FSTL5: variants seen among roughly 807,000 people sequenced by gnomAD.
The protein encoded by FSTL5 is follistatin-related protein 5.
FSTL5 carries 62 observed loss-of-function variants against 89.1 expected under a neutral mutation model. The observed-to-expected ratio is 0.70, with a 90% CI of 0.57 to 0.86. The LOEUF (loss-of-function observed/expected upper bound fraction) is 0.86. Ranked by LOEUF, FSTL5 falls within the 40% of genes least tolerant of loss-of-function variation. FSTL5 has a pLI of 0.00. For missense variants in FSTL5, 1,057 were observed against 1,001.6 expected (o/e 1.06, Z -0.75); for synonymous variants, 383 against 346.2 (o/e 1.11, Z -1.18).
At chr4:162,151,215 T>A (rs1733211476) in intron 1 of FSTL5, among the ~76,000 whole-genome samples, 1 of 152,172 alleles carries the variant, frequency 6.6e-6, no homozygotes, top group Admixed American at 6.5e-5. Flanking sequence ...TTGGAAAAAG[T>A]TTTTAAATTA....
chr4:161,722,398 AT>A (rs1333944393), intron 6 of FSTL5, among the ~76,000 whole-genome samples: 1 of 152,180 alleles, frequency 6.6e-6, no homozygotes, highest in African/African-American at 2.4e-5. Context: ...GAATGATTAT[AT>A]CCAGGTTCTC....
At chr4:162,090,103 T>A (rs2111354836) in intron 2 of FSTL5, among the ~76,000 whole-genome samples, 1 of 152,216 alleles carries the variant, frequency 6.6e-6, no homozygotes, top group African/African-American at 2.4e-5. Flanking sequence ...CAAGATGGAT[T>A]AAATACTTAA....
chr4:161,777,939 A>T (rs973587388), intron 4 of FSTL5, among the ~76,000 whole-genome samples: 5 of 152,056 alleles, frequency 3.3e-5, no homozygotes, highest in Admixed American at 6.5e-5. Context: ...ACTAAAAATA[A>T]AAAAATTGGC....
chr4:161,772,949 T>C (rs186521683), intron 5 of FSTL5, among the ~76,000 whole-genome samples: 1 of 152,180 alleles, frequency 6.6e-6, no homozygotes, highest in African/African-American at 2.4e-5. Flanking sequence ...CATACTATAC[T>C]ATAAGGCCAT....
intron 4 of FSTL5, among the ~76,000 whole-genome samples, chr4:161,884,314 T>G (rs541363491): frequency 3.9e-5 from 6 of 152,258 alleles, no homozygotes; most frequent in African/African-American, 1.4e-4. Flanking sequence ...GTGTTTCCCA[T>G]TTAAATTAAA....
At chr4:162,053,561 A>G (rs1738449238) in intron 2 of FSTL5, among the ~76,000 whole-genome samples, 1 of 151,758 alleles carries the variant, frequency 6.6e-6, no homozygotes, top group Non-Finnish European at 1.5e-5. Context: ...TGCTCCCCCA[A>G]ATTTCAAACA....
At chr4:161,893,243 TG>T (rs1733044629) in intron 4 of FSTL5, among the ~76,000 whole-genome samples, 1 of 152,152 alleles carries the variant, frequency 6.6e-6, no homozygotes. Context: ...TCCATTTGGA[TG>T]GCAAGGACCT....
At chr4:161,822,876 T>A (rs1475372868) in intron 4 of FSTL5, among the ~76,000 whole-genome samples, 1 of 152,136 alleles carries the variant, frequency 6.6e-6, no homozygotes, top group Admixed American at 6.5e-5. Flanking sequence ...CCCAAGGTGG[T>A]TAGCTCCTTT....
In FSTL5 at chr4:162,112,513, T is replaced by C. The variant is rs1032716182; in HGVS notation, c.-16-1101A>G. Among the ~76,000 whole-genome samples the C allele has an allele frequency of 3.3e-5, 5 of 152,156 alleles. No homozygotes were observed. In the South Asian group the frequency reaches 6.2e-4, roughly 19 times the overall value. On this transcript the variant is annotated intron_variant, in intron 1 of 15. Coordinates refer to ENST00000306100, the MANE Select transcript of FSTL5 (RefSeq NM_020116.5). ...CTCCTGCCGTGGCCTCCCAAAGCAC[T>C]GGGGTGACAGGCATGAGCCACTGAG...
At chr4:161,495,583 T>G (rs1730039004) in intron 12 of FSTL5, 1 of 152,106 alleles carries the variant, frequency 6.6e-6, no homozygotes, top group African/African-American at 2.4e-5. Flanking sequence ...CCTCACCAAC[T>G]CACTATCAAA....
At chr4:161,760,419 T>C (rs1434531266) in intron 5 of FSTL5, among the ~76,000 whole-genome samples, 4 of 152,136 alleles carry the variant, frequency 2.6e-5, no homozygotes, top group African/African-American at 9.7e-5. Flanking sequence ...TTGTTTGTTT[T>C]AAAAGTGGTG....
chr4:161,493,643 A>T (rs1161693072), intron 12 of FSTL5, among the ~76,000 whole-genome samples: 1 of 152,042 alleles, frequency 6.6e-6, no homozygotes, highest in Non-Finnish European at 1.5e-5. Context: ...ATTTTTTTCC[A>T]TCAAAATCTT....
chr4:161,876,859 T>C (rs1579161782), intron 4 of FSTL5, among the ~76,000 whole-genome samples: 1 of 152,154 alleles, frequency 6.6e-6, no homozygotes, highest in Admixed American at 6.5e-5. Context: ...ACAAGAATCA[T>C]ATGTAATATT....
intron 1 of FSTL5, among the ~76,000 whole-genome samples, chr4:162,135,883 T>A (rs1732501673): frequency 2.6e-5 from 4 of 152,146 alleles, no homozygotes. Context: ...TTCAAAAATC[T>A]CTTTCATTTT....
chr4:161,492,618 C>T (rs1419891639), intron 12 of FSTL5, among the ~76,000 whole-genome samples: 1 of 152,022 alleles, frequency 6.6e-6, no homozygotes, highest in Non-Finnish European at 1.5e-5. Context: ...ATTGACTCTG[C>T]CACTAATTTG....
intron 12 of FSTL5, among the ~76,000 whole-genome samples, chr4:161,488,835 G>A (rs1729769372): frequency 6.6e-6 from 1 of 152,032 alleles, no homozygotes; most frequent in South Asian, 2.1e-4. Context: ...GAAGTTTGCT[G>A]TGCATGTTCA....
At chr4:161,555,089 T>C (rs1732344197) in intron 8 of FSTL5, among the ~76,000 whole-genome samples, 1 of 151,614 alleles carries the variant, frequency 6.6e-6, no homozygotes, top group African/African-American at 2.4e-5. Context: ...CAACAAATGT[T>C]GGAGGCAAAA....
chr4:161,982,038 TG>T (rs1441519623), intron 3 of FSTL5, among the ~76,000 whole-genome samples: 1 of 152,228 alleles, frequency 6.6e-6, no homozygotes, highest in East Asian at 1.9e-4. Context: ...CCTTGATTCA[TG>T]AAATCTTAGA....
chr4:161,516,492 T>C (rs1730835136), intron 10 of FSTL5, among the ~76,000 whole-genome samples: 1 of 145,012 alleles, frequency 6.9e-6, no homozygotes, highest in African/African-American at 2.6e-5. Context: ...AGTGAATTTA[T>C]ATGTAATTTA....
Sources: gnomAD v4.1 joint callset for allele counts (sites outside exome capture counted in the v4.1 genomes callset) on GRCh38, gnomAD v4.1.1 for gene constraint, MANE v1.5 for transcripts, NCBI Gene and HGNC (gene_info 2026-07-23, HGNC 2026-07-21) for gene names.